The following RREB1 variants were observed in gnomAD, a reference collection of about 807,000 sequenced individuals.
RREB1 encodes the protein ras responsive element binding protein 1.
RREB1 carries 27 observed loss-of-function variants against 117.8 expected under a neutral mutation model. That is an observed-to-expected ratio of 0.23 (90% CI 0.17 to 0.32). The LOEUF is 0.32. RREB1 is among the 10% of genes least tolerant of loss of function. The pLI, the probability that RREB1 is intolerant of heterozygous loss-of-function variation, is 1.00. For synonymous variants in RREB1, 1,298 were observed against 1,026.7 expected, an observed-to-expected ratio of 1.26 and a Z score of -5.05; for missense variants, 2,577 against 2,378.2, an observed-to-expected ratio of 1.08 and a Z score of -1.74.
At chr6:7,175,098 A>G (rs1441185880) in intron 1 of RREB1, among the ~76,000 whole-genome samples, 1 of 152,184 alleles carries the variant, frequency 6.6e-6, no homozygotes, top group African/African-American at 2.4e-5. Context: ...TAAAATATGA[A>G]AAAAGAATAA....
At chr6:7,121,008 G>A (rs9405998) in intron 1 of RREB1, among the ~76,000 whole-genome samples, 12 of 151,802 alleles carry the variant, frequency 7.9e-5, no homozygotes, top group Non-Finnish European at 1.8e-4. Flanking sequence ...ATTTTTAATA[G>A]ACATGAGGTT....
chr6:7,207,957 T>G (rs1269866863), intron 6 of RREB1, among the ~76,000 whole-genome samples: 1 of 152,148 alleles, frequency 6.6e-6, no homozygotes, highest in Non-Finnish European at 1.5e-5. Context: ...TCCTTGTTGG[T>G]GGAAGTGTCC....
rs970213882 is a variant in RREB1 at position 7,249,022 on chromosome 6, C to G, written c.*54C>G. 1.8e-5 allele frequency: 24 copies of G among 1,347,372 alleles called. No homozygotes were observed. Among genetic ancestry groups the G allele is most frequent in the Non-Finnish European group, 1.9e-5 (19 of 1,020,892 alleles). The allele number at this position is 1,347,372 out of a possible 1,614,324, so 83.5% of individuals were successfully genotyped here. A position where few individuals can be genotyped will look rare whatever the true frequency, so the allele number is the denominator to read the frequency against. ...AAGCCAGCAGAGCAAAGCGTCTATA[C>G]TTCATGGGGTTTCCTCAGTGCCCTT... On this transcript the variant is annotated 3_prime_UTR_variant, in exon 13 of 13. Transcript: ENST00000379938.
chr6:7,144,448 T>G (rs1469679315), intron 1 of RREB1, among the ~76,000 whole-genome samples: 1 of 152,250 alleles, frequency 6.6e-6, no homozygotes, highest in East Asian at 1.9e-4. Context: ...TATAAGTAAC[T>G]GTTTAATTTC....
At chr6:7,152,601 G>T (rs776776218) in intron 1 of RREB1, among the ~76,000 whole-genome samples, 1 of 151,796 alleles carries the variant, frequency 6.6e-6, no homozygotes, top group African/African-American at 2.4e-5. Flanking sequence ...TTCCTTTTTG[G>T]CCACATGGAA....
chr6:7,229,415 T>A lies in RREB1; in HGVS notation c.1316T>A (p.Leu439Gln), dbSNP rs1459285768. 3 of 1,614,070 alleles carry A rather than the reference T, an allele frequency of 1.9e-6. No individual in the cohort carries two copies. The highest frequency in any genetic ancestry group is 1.7e-6 in the Non-Finnish European group (2 of 1,180,024). ...ATKDSIKHLS[L>Q]QPFQKGFIIQ... ...AAGGACAGCATAAAGCACCTGTCCC[T>A]GCAGCCCTTCCAGAAGGGCTTCATC... Residue 439 changes from leucine to glutamine, a missense_variant, in exon 10 of 13, where the codon CTG (leucine) becomes CAG (glutamine). Transcript: ENST00000379938. This position sits in a 1 kb window ranked among gnomAD's most constrained non-coding sequence, Gnocchi z 4.5.
At chr6:7,173,804 A>AG (rs1476755215) in intron 1 of RREB1, among the ~76,000 whole-genome samples, 1 of 152,144 alleles carries the variant, frequency 6.6e-6, no homozygotes, top group African/African-American at 2.4e-5. Flanking sequence ...AGGGAAAGAA[A>AG]GAAAAAAAAG....
At position 7,246,462 on chromosome 6, in the gene RREB1, G is replaced by A. The variant is rs769959392; in HGVS notation, c.4012G>A (p.Glu1338Lys). ...SDAETAAAAG[E>K]VLDLTSRDRE... ...TGCGGAGACTGCAGCCGCCGCGGGC[G>A]AAGTGCTAGACCTCACCTCACGGGA... The change falls in exon 12 of 13, where the codon GAA (glutamate) becomes AAA (lysine). Residue 1338 changes from glutamate to lysine, a missense_variant. Glu to Lys is a moderately conservative substitution (Grantham distance 56). Transcript: ENST00000379938. 97 of 1,514,224 alleles carry A rather than the reference G, an allele frequency of 6.4e-5. No individual in the cohort carries two copies. The highest frequency in any genetic ancestry group is 8.2e-5 in the Non-Finnish European group (93 of 1,127,394). The allele number at this position is 1,514,224 out of a possible 1,614,324, so 93.8% of individuals were successfully genotyped here.
Position 7,230,778 on chromosome 6 carries a change from G to A in RREB1, c.2679G>A (p.Ala893=), listed in dbSNP as rs878865243. Residue 893 remains alanine (A), a synonymous_variant, in exon 10 of 13, where the codon GCG becomes GCA. Coordinates refer to ENST00000379938, the MANE Select transcript of RREB1 (RefSeq NM_001003699.4). ...SIKLEPASSF[A]VDFNEPLDFS... The stretch of plus-strand genomic sequence containing the variant: ...AGTTGGAGCCCGCCAGTAGCTTTGC[G>A]GTGGACTTCAATGAGCCCCTGGACT... 7 of 1,613,192 alleles carry A rather than the reference G, an allele frequency of 4.3e-6. No homozygotes were observed. Among genetic ancestry groups the A allele is most frequent in the African/African-American group, 1.3e-5 (1 of 74,916 alleles).
At chr6:7,159,110 G>A (rs1398001685) in intron 1 of RREB1, among the ~76,000 whole-genome samples, 1 of 152,106 alleles carries the variant, frequency 6.6e-6, no homozygotes, top group Non-Finnish European at 1.5e-5. Context: ...AGTGCATAGG[G>A]GGACTCAGAT....
chr6:7,112,446 T>G (rs1039674375), intron 1 of RREB1, among the ~76,000 whole-genome samples: 2 of 152,218 alleles, frequency 1.3e-5, no homozygotes, highest in Non-Finnish European at 2.9e-5. Context: ...TTGATAAATG[T>G]ATTTTCTTTC....
rs150026379 is a variant in RREB1 at position 7,176,361 on chromosome 6, G to C, written c.-284-294G>C. Among the ~76,000 whole-genome samples the C allele has an allele frequency of 5.2e-4, 79 of 152,258 alleles. 1 individual carries two copies. The East Asian group carries it at 0.01, about 20-fold the overall frequency. On this transcript the variant is annotated intron_variant, in intron 1 of 12. Coordinates refer to ENST00000379938, the MANE Select transcript of RREB1 (RefSeq NM_001003699.4). Reference sequence around the variant, plus strand: ...TTAGGATGCACGAAGCTCCCCCCCGGAGCCAGTGGTCCGAGCCATTCTCAC... The same window carrying C: ...TTAGGATGCACGAAGCTCCCCCCCGCAGCCAGTGGTCCGAGCCATTCTCAC...
chr6:7,148,110 G>A (rs937283256), intron 1 of RREB1, among the ~76,000 whole-genome samples: 1 of 152,178 alleles, frequency 6.6e-6, no homozygotes, highest in Non-Finnish European at 1.5e-5. Flanking sequence ...GTATACGTGG[G>A]GGGAGAGGTA....
intron 1 of RREB1, among the ~76,000 whole-genome samples, chr6:7,114,248 A>C (rs1325537775): frequency 1.3e-5 from 2 of 152,134 alleles, no homozygotes; most frequent in Non-Finnish European, 2.9e-5. Flanking sequence ...CAGTCTCCTG[A>C]GCAGGTGGGA....
chr6:7,198,118 G>A (rs550187537), intron 6 of RREB1, among the ~76,000 whole-genome samples: 4 of 152,244 alleles, frequency 2.6e-5, no homozygotes, highest in Admixed American at 6.5e-5. Flanking sequence ...CATCATGGTC[G>A]TATCAAGTTT....
At chr6:7,172,551 C>A (rs1353166663) in intron 1 of RREB1, among the ~76,000 whole-genome samples, 1 of 152,160 alleles carries the variant, frequency 6.6e-6, no homozygotes, top group Non-Finnish European at 1.5e-5. Context: ...CCCAGCTCTC[C>A]CCAATCTCTT....
rs1454568300 is a variant in RREB1, at chr6:7,184,450, G to C, written c.171+2368G>C. 2 of 150,572 alleles carry C rather than the reference G, an allele frequency of 1.3e-5. 1 individual carries two copies. The allele number at this position is 150,572 out of a possible 1,614,324, so 9.3% of individuals were successfully genotyped here. A position where few individuals can be genotyped will look rare whatever the true frequency, so the allele number is the denominator to read the frequency against. ...TAAAAAAAACTTTTTGCAGAGACGA[G>C]GTTTCACTATGTTGCCCAGGCTGGT... On this transcript the variant is annotated intron_variant, in intron 4 of 12. Coordinates refer to ENST00000379938, the MANE Select transcript of RREB1 (RefSeq NM_001003699.4).
At chr6:7,247,323 G>T in intron 12 of RREB1, 102 bp downstream of exon 12, 1 of 1,011,654 alleles carries the variant, frequency 9.9e-7, no homozygotes, top group South Asian at 1.7e-5. Flanking sequence ...CCGAGAGAAC[G>T]TTTGCTTACG....
At chr6:7,123,331 T>C (rs60736300) in intron 1 of RREB1, among the ~76,000 whole-genome samples, 5,902 of 152,084 alleles carry the variant, frequency 0.039, 143 homozygotes, top group Middle Eastern at 0.065. Context: ...CCAGCTAATT[T>C]TTTGTATTTT....
Sources: gnomAD v4.1 joint callset for allele counts (sites outside exome capture counted in the v4.1 genomes callset) on GRCh38, gnomAD v4.1.1 for gene constraint, Gnocchi (gnomAD v3.1) non-coding constraint, MANE v1.5 for transcripts, NCBI Gene and HGNC (gene_info 2026-07-23, HGNC 2026-07-21) for gene names.